The following DOC2B variants were observed in gnomAD, a reference collection of about 807,000 sequenced individuals.
The protein encoded by DOC2B is double C2-like domain-containing protein beta.
In DOC2B, 21 loss-of-function variants were observed where a neutral mutation model predicts 28.9. The ratio of observed to expected loss-of-function variants is 0.73; its 90% CI spans 0.52 to 1.05. The LOEUF (loss-of-function observed/expected upper bound fraction) is 1.05, where lower values mean the gene tolerates loss of function less well. DOC2B is among the 50% of genes least tolerant of loss of function. DOC2B has a pLI of 0.00. For synonymous variants in DOC2B, 194 were observed against 178.1 expected (o/e 1.09, Z -0.71); for missense variants, 384 against 421.1 (o/e 0.91, Z 0.77).
intron 5 of DOC2B, 99 bp from the exon 6 acceptor site, chr17:156,476 G>T: frequency 7.3e-7 from 1 of 1,373,890 alleles, no homozygotes; most frequent in Non-Finnish European, 9.9e-7. Context: ...GGCTGCTGCA[G>T]CCGGGCCTGG....
intron 7 of DOC2B, among the ~76,000 whole-genome samples, chr17:148,745 C>A (rs1174455944): frequency 6.6e-6 from 1 of 152,170 alleles, no homozygotes; most frequent in Non-Finnish European, 1.5e-5. Flanking sequence ...TGGGGGGAAT[C>A]CGCATTTCCA....
In DOC2B at chr17:181,469, C is replaced by G. The variant is rs548884378; in HGVS notation, c.11G>C (p.Arg4Pro). The G allele has an allele frequency of 1.7e-5, 19 of 1,111,860 alleles. 1 individual carries two copies. The African/African-American group carries it at 3.2e-4, about 19-fold the overall frequency. The allele number at this position is 1,111,860 out of a possible 1,614,324, so 68.9% of individuals were successfully genotyped here. Residue 4 changes from arginine (R) to proline (P), a missense_variant, in exon 1 of 9, where the codon CGG becomes CCG. Arg to Pro is a moderately radical substitution (Grantham distance 103). Transcript: ENST00000613549. The surrounding 1 kb of genome is among the most constrained non-coding windows in gnomAD (Gnocchi z 7.0). Reference sequence around the variant, plus strand: ...GATGGTCGCCTTCTCCCCGCGCCGCCGGAGGGTCATGCAGGCAGCGCCGCC... The same window carrying G: ...GATGGTCGCCTTCTCCCCGCGCCGCGGGAGGGTCATGCAGGCAGCGCCGCC... The part of the protein sequence containing the change: MTL[R>P]RRGEKATISI...
At chr17:173,367 G>A (rs1035039472) in intron 1 of DOC2B, among the ~76,000 whole-genome samples, 3 of 152,174 alleles carry the variant, frequency 2.0e-5, no homozygotes, top group African/African-American at 7.2e-5. Context: ...GCAGAGCTTG[G>A]AGATGATGGT....
At chr17:172,067 C>T (rs1301112800) in intron 2 of DOC2B, among the ~76,000 whole-genome samples, 4 of 152,216 alleles carry the variant, frequency 2.6e-5, no homozygotes, top group African/African-American at 9.6e-5. Context: ...CTCAGAGGGC[C>T]TCTGGGCTCA....
intron 2 of DOC2B, among the ~76,000 whole-genome samples, chr17:166,747 G>C (rs538196014): frequency 0.01 from 1,414 of 140,014 alleles, 23 homozygotes; most frequent in African/African-American, 0.037. Flanking sequence ...GTCTGACACT[G>C]TTCTTGAGGT....
intron 1 of DOC2B, among the ~76,000 whole-genome samples, chr17:179,394 A>G (rs145916009): frequency 0.018 from 2,604 of 143,026 alleles, 73 homozygotes; most frequent in African/African-American, 0.063. Flanking sequence ...GGGTTCAGAG[A>G]CAGCAAAAAA....
chr17:162,286 G>A, intron 3 of DOC2B, 96 bp from the exon 4 acceptor site: 1 of 915,310 alleles, frequency 1.1e-6, no homozygotes, highest in Admixed American at 2.0e-5. Flanking sequence ...TGGAGCCTGT[G>A]AATGTGTTAT....
intron 2 of DOC2B, among the ~76,000 whole-genome samples, chr17:165,940 A>C (rs1043384170): frequency 5.3e-5 from 8 of 152,106 alleles, no homozygotes; most frequent in African/African-American, 1.2e-4. Context: ...GACACGTTTC[A>C]CTTACAAACC....
intron 2 of DOC2B, 49 bp from the exon 3 acceptor site, chr17:164,253 A>G (rs1567534122): frequency 4.9e-6 from 7 of 1,414,642 alleles, no homozygotes; most frequent in Non-Finnish European, 5.9e-6. Context: ...GGGACATGGA[A>G]CTGACAGGGC....
chr17:169,140 T>C (rs1460973675), intron 2 of DOC2B, among the ~76,000 whole-genome samples: 2 of 152,030 alleles, frequency 1.3e-5, no homozygotes, highest in Non-Finnish European at 2.9e-5. Context: ...TGAAGTATCA[T>C]TCAGCCTGAA....
intron 6 of DOC2B, among the ~76,000 whole-genome samples, chr17:155,421 T>C (rs1555522301): frequency 6.6e-6 from 1 of 152,160 alleles, no homozygotes; most frequent in African/African-American, 2.4e-5. Context: ...ACCTGGGTCC[T>C]TGGTGTCCCC....
At chr17:161,688 C>G in intron 4 of DOC2B, 147 bp from the exon 5 acceptor site, 1 of 1,357,014 alleles carries the variant, frequency 7.4e-7, no homozygotes, top group Non-Finnish European at 1.0e-6. Context: ...TGCCTGGGCC[C>G]TGACAGGGGC....
At position 148,345 on chromosome 17, in the gene DOC2B, G is replaced by A. The variant is rs1172487519; in HGVS notation, c.1006-76C>T. ...CCGGGGGCCAGGAGGGGTATGAGGT[G>A]TAGGGACAGAGGAGGGATGGGGGTG... On this transcript the variant is annotated intron_variant, in intron 7 of 8. Coordinates refer to ENST00000613549, the MANE Select transcript of DOC2B (RefSeq NM_003585.5). 1.6e-4 allele frequency: 63 copies of A among 398,480 alleles called. No individual in the cohort carries two copies. The East Asian group carries it at 1.9e-3, about 12-fold the overall frequency. 24.7% of individuals were successfully genotyped at this position (398,480 alleles called of 1,614,324 possible).
At chr17:178,911 G>C (rs1283318435) in intron 1 of DOC2B, among the ~76,000 whole-genome samples, 1 of 152,196 alleles carries the variant, frequency 6.6e-6, no homozygotes. Flanking sequence ...AGCCCAGAGG[G>C]GGGCACCGCC....
At chr17:169,660 C>A (rs1335976613) in intron 2 of DOC2B, among the ~76,000 whole-genome samples, 1 of 152,124 alleles carries the variant, frequency 6.6e-6, no homozygotes, top group South Asian at 2.1e-4. Flanking sequence ...ACCCTATTTA[C>A]AGATGGGCAA....
intron 6 of DOC2B, among the ~76,000 whole-genome samples, chr17:152,027 G>A (rs1230338268): frequency 1.3e-5 from 2 of 152,154 alleles, no homozygotes; most frequent in Non-Finnish European, 2.9e-5. Flanking sequence ...CCTGAGGCCC[G>A]CCCTGTGGCG....
intron 1 of DOC2B, among the ~76,000 whole-genome samples, chr17:178,170 G>C (rs1378579963): frequency 6.6e-6 from 1 of 152,350 alleles, no homozygotes; most frequent in South Asian, 2.1e-4. Flanking sequence ...GACTGACAGC[G>C]TCATTCTGAC....
chr17:164,175 C>T lies in DOC2B; in HGVS notation c.483G>A (p.Leu161=), dbSNP rs1555523622. The change falls in exon 3 of 9, where the codon CTG becomes CTA. Residue 161 remains leucine (L), a synonymous_variant. Coordinates refer to ENST00000613549, the MANE Select transcript of DOC2B (RefSeq NM_003585.5). ...GGTGCAGCTTGACGTAGGGGTCTGCCAGCCCATTGTGGTCCATTGGCTTCA... is the reference window on the plus strand; with the variant it reads ...GGTGCAGCTTGACGTAGGGGTCTGCTAGCCCATTGTGGTCCATTGGCTTCA... The part of the protein sequence containing the change: ...KGLKPMDHNG[L]ADPYVKLHLL... The T allele has an allele frequency of 6.4e-7, 1 of 1,554,232 alleles. No individual in the cohort carries two copies. The highest frequency in any genetic ancestry group is 1.2e-5 in the South Asian group (1 of 84,324).
At position 181,076 on chromosome 17, in the gene DOC2B, G is replaced by A. The variant is rs1208810484; in HGVS notation, c.373+31C>T. The A allele has an allele frequency of 8.1e-7, 1 of 1,232,032 alleles. No individual in the cohort carries two copies. Among genetic ancestry groups the A allele is most frequent in the East Asian group, 3.3e-5 (1 of 30,574 alleles). The allele number at this position is 1,232,032 out of a possible 1,614,324, so 76.3% of individuals were successfully genotyped here. A position where few individuals can be genotyped will look rare whatever the true frequency, so the allele number is the denominator to read the frequency against. ...GGGGGCCGAGCCCGAGCCAGGGGAG[G>A]GGGCGCGAAGTCGGCGCGTGGGAAA... On this transcript the variant is annotated intron_variant, in intron 1 of 8. Coordinates refer to ENST00000613549, the MANE Select transcript of DOC2B (RefSeq NM_003585.5). This position sits in a 1 kb window ranked among gnomAD's most constrained non-coding sequence, Gnocchi z 7.0.
Sources: gnomAD v4.1 joint callset for allele counts (sites outside exome capture counted in the v4.1 genomes callset) on GRCh38, gnomAD v4.1.1 for gene constraint, Gnocchi (gnomAD v3.1) non-coding constraint, MANE v1.5 for transcripts, NCBI Gene and HGNC (gene_info 2026-07-23, HGNC 2026-07-21) for gene names.